KCNS3: variants seen among roughly 807,000 people sequenced by gnomAD.
KCNS3 encodes delayed-rectifier potassium channel regulatory subunit KCNS3.
KCNS3 carries 13 observed loss-of-function variants against 31.0 expected under a neutral mutation model. That is an observed-to-expected ratio of 0.42 (90% CI 0.27 to 0.67). The LOEUF (loss-of-function observed/expected upper bound fraction) is 0.67. Among genes scored for constraint, KCNS3 ranks in the 30% least tolerant of loss-of-function variants. KCNS3 has a pLI of 0.25. For missense variants in KCNS3, 545 were observed against 622.4 expected (o/e 0.88, Z 1.32); for synonymous variants, 238 against 241.5 (o/e 0.99, Z 0.13).
At chr2:17,897,602 T>C (rs1253198551) in intron 1 of KCNS3, among the ~76,000 whole-genome samples, 1 of 152,232 alleles carries the variant, frequency 6.6e-6, no homozygotes, top group Non-Finnish European at 1.5e-5. Flanking sequence ...TGTCCTCTTT[T>C]GAGAAGTGTC....
intron 1 of KCNS3, among the ~76,000 whole-genome samples, chr2:17,884,819 G>A (rs944451904): frequency 6.6e-6 from 1 of 151,910 alleles, no homozygotes; most frequent in Non-Finnish European, 1.5e-5. Flanking sequence ...CAAAATCTAG[G>A]TAACTTTAAG....
intron 2 of KCNS3, among the ~76,000 whole-genome samples, chr2:17,927,902 C>A (rs1662873771): frequency 6.6e-6 from 1 of 152,202 alleles, no homozygotes. Flanking sequence ...TCTGGGCTTT[C>A]TGGACAGAAC....
intron 1 of KCNS3, among the ~76,000 whole-genome samples, chr2:17,901,848 A>T (rs1662183512): frequency 1.3e-5 from 2 of 152,174 alleles, no homozygotes; most frequent in African/African-American, 4.8e-5. Flanking sequence ...TGTTCTTGAC[A>T]AACTAGGTGA....
chr2:17,884,268 A>AAAAATATAT (rs1459540269), intron 1 of KCNS3, among the ~76,000 whole-genome samples: 5 of 46,690 alleles, frequency 1.1e-4, no homozygotes, highest in African/African-American at 3.9e-4. Context: ...AAAAAAAAAA[A>AAAAATATAT]ATATATATAT....
At chr2:17,918,380 G>T (rs1002383068) in intron 2 of KCNS3, among the ~76,000 whole-genome samples, 1 of 152,120 alleles carries the variant, frequency 6.6e-6, no homozygotes, top group Non-Finnish European at 1.5e-5. Context: ...TAAGGATCAG[G>T]GTTTCCAGGT....
At chr2:17,881,579 C>T (rs1674643949) in intron 1 of KCNS3, among the ~76,000 whole-genome samples, 1 of 152,200 alleles carries the variant, frequency 6.6e-6, no homozygotes, top group Admixed American at 6.5e-5. Flanking sequence ...ATGGTAGGTT[C>T]TATTATCACC....
intron 1 of KCNS3, among the ~76,000 whole-genome samples, chr2:17,886,661 G>A (rs1159109199): frequency 6.7e-6 from 1 of 149,300 alleles, no homozygotes; most frequent in Non-Finnish European, 1.5e-5. Flanking sequence ...TGTTCATCTG[G>A]GTGTCCCCAT....
chr2:17,895,471 A>G (rs4832513), intron 1 of KCNS3, among the ~76,000 whole-genome samples: 150,925 of 152,246 alleles, frequency 0.99, 74,824 homozygotes, highest in Middle Eastern at 1. Context: ...GGAGTCCCTA[A>G]GAAAGCCAAT....
At chr2:17,925,264 C>T (rs1662809200) in intron 2 of KCNS3, among the ~76,000 whole-genome samples, 1 of 152,170 alleles carries the variant, frequency 6.6e-6, no homozygotes, top group Non-Finnish European at 1.5e-5. Flanking sequence ...CCAGCGTCAA[C>T]ATCAACATGA....
At chr2:17,879,248 C>T (rs892616368) in intron 1 of KCNS3, 1 of 152,152 alleles carries the variant, frequency 6.6e-6, no homozygotes, top group African/African-American at 2.4e-5. Context: ...GCCGGGAAGC[C>T]GTTCCTTCCC....
At chr2:17,902,846 G>A (rs555025486) in intron 1 of KCNS3, among the ~76,000 whole-genome samples, 1 of 152,228 alleles carries the variant, frequency 6.6e-6, no homozygotes, top group Non-Finnish European at 1.5e-5. Context: ...GGGTTAGTGT[G>A]CTTTTATTGA....
intron 2 of KCNS3, among the ~76,000 whole-genome samples, chr2:17,920,075 A>G (rs939413635): frequency 2.6e-5 from 4 of 152,258 alleles, no homozygotes; most frequent in African/African-American, 9.6e-5. Flanking sequence ...TTTAAATTTA[A>G]TAGAATAAAA....
At position 17,922,669 on chromosome 2, in the gene KCNS3, C is replaced by A. The variant is rs569403908; in HGVS notation, c.-60+4798C>A. On this transcript the variant is annotated intron_variant, in intron 2 of 2. Coordinates refer to ENST00000304101, the MANE Select transcript of KCNS3 (RefSeq NM_002252.5). ...ATTAATAGTACCCATCTCCCCTCCCCCCAGCCCCCAGCAACCACTAATCTA... is the reference window on the plus strand; with the variant it reads ...ATTAATAGTACCCATCTCCCCTCCCACCAGCCCCCAGCAACCACTAATCTA... Among the ~76,000 whole-genome samples, 12 of 152,262 alleles carry A rather than the reference C, an allele frequency of 7.9e-5. No individual in the cohort carries two copies. In the South Asian group the frequency reaches 2.3e-3, roughly 29 times the overall value.
At chr2:17,921,958 T>TAA (rs1553345286) in intron 2 of KCNS3, among the ~76,000 whole-genome samples, 56 of 133,848 alleles carry the variant, frequency 4.2e-4, no homozygotes, top group African/African-American at 7.0e-4. Flanking sequence ...TATATATATA[T>TAA]AAATACATAT....
In KCNS3 at chr2:17,931,359, C is replaced by T. The variant is rs1462114404; in HGVS notation, c.351C>T (p.Cys117=). ...GINELFIDSC[C]SNRYQERKEE... ...ACGAGCTCTTCATTGATTCTTGCTG[C>T]AGCAATCGCTACCAGGAACGCAAGG... Residue 117 remains cysteine (C), a synonymous_variant, in exon 3 of 3, where the codon TGC becomes TGT. Coordinates refer to ENST00000304101, the MANE Select transcript of KCNS3 (RefSeq NM_002252.5). This position sits in a 1 kb window ranked among gnomAD's most constrained non-coding sequence, Gnocchi z 5.4. 6.2e-7 allele frequency: 1 copy of T among 1,614,098 alleles called. No individual in the cohort carries two copies. Among genetic ancestry groups the T allele is most frequent in the South Asian group, 1.1e-5 (1 of 91,084 alleles).
intron 1 of KCNS3, among the ~76,000 whole-genome samples, chr2:17,883,137 C>T (rs1452932057): frequency 1.3e-5 from 2 of 152,214 alleles, no homozygotes; most frequent in Non-Finnish European, 2.9e-5. Context: ...ATGTTGGCAG[C>T]AGCCAGCCTC....
intron 1 of KCNS3, among the ~76,000 whole-genome samples, chr2:17,881,612 G>C (rs1275297991): frequency 6.6e-6 from 1 of 152,228 alleles, no homozygotes; most frequent in East Asian, 1.9e-4. Context: ...AGGAAAGAGA[G>C]ACAAACTGAG....
In KCNS3 at chr2:17,931,983, G is replaced by A; in HGVS notation, c.975G>A (p.Gly325=). The change falls in exon 3 of 3, where the codon GGG becomes GGA. Residue 325 remains glycine, a synonymous_variant. Coordinates refer to ENST00000304101, the MANE Select transcript of KCNS3 (RefSeq NM_002252.5). The surrounding 1 kb of genome is among the most constrained non-coding windows in gnomAD (Gnocchi z 5.4). ...ATLRHSYHEV[G]LLLLFLSVGI... is the part of the protein sequence containing the mutation. ...TGAGACACAGCTACCATGAAGTTGG[G>A]CTTCTGCTTCTCTTCCTCTCTGTGG... 2 of 1,614,070 alleles carry A rather than the reference G, an allele frequency of 1.2e-6. No individual in the cohort carries two copies. The highest frequency in any genetic ancestry group is 1.7e-6 in the Non-Finnish European group (2 of 1,180,020).
chr2:17,927,235 C>T (rs1662859454), intron 2 of KCNS3, among the ~76,000 whole-genome samples: 1 of 152,194 alleles, frequency 6.6e-6, no homozygotes, highest in Non-Finnish European at 1.5e-5. Context: ...ACCACTTCAG[C>T]CTGGGCTCAT....
Sources: gnomAD v4.1 joint callset for allele counts (sites outside exome capture counted in the v4.1 genomes callset) on GRCh38, gnomAD v4.1.1 for gene constraint, Gnocchi (gnomAD v3.1) non-coding constraint, MANE v1.5 for transcripts, NCBI Gene and HGNC (gene_info 2026-07-23, HGNC 2026-07-21) for gene names.